The following F8 variants were observed in gnomAD, a reference collection of about 807,000 sequenced individuals.
F8 encodes the protein antihemophilic factor.
Under a neutral mutation model 140.6 loss-of-function variants are expected in F8, and 12 were observed. The ratio of observed to expected loss-of-function variants is 0.09; its 90% confidence interval spans 0.05 to 0.14. F8 has a LOEUF of 0.14. Among genes scored for constraint, F8 ranks in the 10% least tolerant of loss-of-function variants. The pLI is 1.00. For synonymous variants in F8, 585 were observed against 614.6 expected, an observed-to-expected ratio of 0.95 and a Z score of 0.71; for missense variants, 1,354 against 1,720.7, an observed-to-expected ratio of 0.79 and a Z score of 3.77.
At position 154,863,182 on chromosome X, in the gene F8, A is replaced by C; in HGVS notation, c.6475T>G (p.Phe2159Val). 1 of 1,210,584 alleles carries C rather than the reference A, an allele frequency of 8.3e-7. No individual in the cohort carries two copies. Among genetic ancestry groups the C allele is most frequent in the Non-Finnish European group, 1.1e-6 (1 of 894,140 alleles). Residue 2159 changes from phenylalanine (F) to valine (V), a missense_variant, in exon 23 of 26, where the codon TTT becomes GTT. This residue lies in a region of F8 where 316 missense variants were observed against 485.4 expected (regional missense o/e 0.65). Coordinates refer to ENST00000360256, the MANE Select transcript of F8 (RefSeq NM_000132.4). ...VDSSGIKHNIFNPPIIARYIR... is the reference protein window; with the variant it reads ...VDSSGIKHNIVNPPIIARYIR... Reference sequence around the variant, plus strand: ...TATCGAGCAATAATTGGAGGGTTAAAAATATTGTGTTTTATCCCAGATGAA... The same window carrying C: ...TATCGAGCAATAATTGGAGGGTTAACAATATTGTGTTTTATCCCAGATGAA...
intron 3 of F8, among the ~76,000 whole-genome samples, chrX:154,994,395 T>A (rs1557284932): frequency 8.9e-6 from 1 of 112,234 alleles, no homozygotes; most frequent in Non-Finnish European, 1.9e-5. Context: ...AATGCAATAT[T>A]CAAATTTTCT....
Position 154,887,200 on chromosome X carries a change from C to CT in F8, c.6429+8876dup. ...CCGCTGCGAGGTGTCCCGCGTGCTGCTGCTGCTCCTCCTGCAACCACCGCC... is the reference window on the plus strand; with the variant it reads ...CCGCTGCGAGGTGTCCCGCGTGCTGCTTGCTGCTCCTCCTGCAACCACCGCC... On this transcript the variant is annotated intron_variant, in intron 22 of 25. Transcript: ENST00000360256. The CT allele has an allele frequency of 6.8e-6, 3 of 440,676 alleles. No individual in the cohort carries two copies. The South Asian group carries it at 1.0e-4, about 15-fold the overall frequency. 36.3% of individuals were successfully genotyped at this position (440,676 alleles called of 1,213,427 possible). A position where few individuals can be genotyped will look rare whatever the true frequency, so the allele number is the denominator to read the frequency against.
chrX:154,986,097 GCTTA>G (rs1401803356), intron 5 of F8, among the ~76,000 whole-genome samples: 1 of 111,828 alleles, frequency 8.9e-6, no homozygotes, highest in Non-Finnish European at 1.9e-5. Flanking sequence ...AAAAGGAGAA[GCTTA>G]CTTAGTGTAA....
At chrX:154,999,057 T>C (rs1169798910) in intron 2 of F8, among the ~76,000 whole-genome samples, 1 of 110,966 alleles carries the variant, frequency 9.0e-6, no homozygotes, top group African/African-American at 3.3e-5. Flanking sequence ...CATAAGTTCC[T>C]AGCCTTTTTT....
intron 1 of F8, among the ~76,000 whole-genome samples, chrX:155,012,371 A>G (rs1338238729): frequency 8.9e-6 from 1 of 111,834 alleles, no homozygotes; most frequent in African/African-American, 3.3e-5. Flanking sequence ...GTGCAGTAGC[A>G]TGATCCATAG....
intron 25 of F8, among the ~76,000 whole-genome samples, chrX:154,845,684 T>C (rs1557271695): frequency 8.9e-6 from 1 of 111,868 alleles, no homozygotes; most frequent in African/African-American, 3.3e-5. Context: ...CTTCTCTCTT[T>C]TCTTCTTTAT....
chrX:155,004,230 T>C (rs1210414543), intron 1 of F8, among the ~76,000 whole-genome samples: 2 of 111,564 alleles, frequency 1.8e-5, no homozygotes, highest in Non-Finnish European at 3.8e-5. Flanking sequence ...AATTCTGAAC[T>C]CTGTGAAAGT....
intron 4 of F8, 54 bp downstream of exon 4, chrX:154,992,882 T>G: frequency 9.3e-6 from 10 of 1,076,789 alleles, no homozygotes; most frequent in Non-Finnish European, 1.3e-5. Context: ...ATAGATTCAG[T>G]TGTTTGTACT....
intron 7 of F8, among the ~76,000 whole-genome samples, chrX:154,968,397 A>T (rs1557282233): frequency 9.0e-6 from 1 of 111,516 alleles, no homozygotes; most frequent in Non-Finnish European, 1.9e-5. Context: ...TGAGCCAATA[A>T]ATTTCTGTCC....
intron 13 of F8, among the ~76,000 whole-genome samples, chrX:154,939,344 AC>A (rs1479300309): frequency 5.3e-5 from 6 of 112,551 alleles, no homozygotes; most frequent in African/African-American, 1.9e-4. Flanking sequence ...AACGGGCTTA[AC>A]AAACGGCACA....
chrX:154,873,751 T>C (rs1414478335), intron 22 of F8, among the ~76,000 whole-genome samples: 2 of 110,752 alleles, frequency 1.8e-5, no homozygotes, highest in African/African-American at 6.6e-5. Context: ...GAAAAGAGAG[T>C]CTCTTCAATA....
chrX:154,994,510 T>C (rs2073606429), intron 3 of F8, among the ~76,000 whole-genome samples: 1 of 112,638 alleles, frequency 8.9e-6, no homozygotes, highest in Non-Finnish European at 1.9e-5. Flanking sequence ...TCTTTTAGTA[T>C]GGAGTAGTCC....
chrX:155,002,409 A>G (rs1292924930), intron 1 of F8, among the ~76,000 whole-genome samples: 1 of 111,838 alleles, frequency 8.9e-6, no homozygotes, highest in Non-Finnish European at 1.9e-5. Flanking sequence ...TAGCATGTGA[A>G]TTGGTAAAGA....
At chrX:154,923,947 C>A (rs782014113) in intron 14 of F8, among the ~76,000 whole-genome samples, 2 of 110,918 alleles carry the variant, frequency 1.8e-5, no homozygotes, top group Admixed American at 9.6e-5. Context: ...CTCCAGCCTG[C>A]GTGACAGAGC....
At chrX:154,972,711 T>TC (rs2073464318) in intron 6 of F8, among the ~76,000 whole-genome samples, 1 of 64,043 alleles carries the variant, frequency 1.6e-5, no homozygotes, top group African/African-American at 1.1e-4. Context: ...GTCTTTCTTT[T>TC]TTTTTTTTTT....
intron 13 of F8, among the ~76,000 whole-genome samples, chrX:154,940,221 T>C (rs1429029243): frequency 9.0e-6 from 1 of 111,588 alleles, no homozygotes; most frequent in African/African-American, 3.3e-5. Context: ...TACTCCGAGC[T>C]AAAGGAAGAA....
At chrX:154,850,200 C>T (rs2072603893) in intron 25 of F8, among the ~76,000 whole-genome samples, 1 of 108,432 alleles carries the variant, frequency 9.2e-6, no homozygotes. Flanking sequence ...GCGATCTGGG[C>T]TCACTGCAAC....
At chrX:155,021,604 A>T (rs1217419996) in intron 1 of F8, among the ~76,000 whole-genome samples, 1 of 111,792 alleles carries the variant, frequency 8.9e-6, no homozygotes, top group Non-Finnish European at 1.9e-5. Context: ...AAAATTCTTG[A>T]CAAGACCAAT....
chrX:154,856,204 C>T (rs2072650123), intron 25 of F8, among the ~76,000 whole-genome samples: 1 of 112,578 alleles, frequency 8.9e-6, no homozygotes, highest in South Asian at 3.6e-4. Context: ...TGGGAGAGTT[C>T]AGAAGACACA....
Sources: allele counts gnomAD v4.1 joint callset (sites outside exome capture counted in the v4.1 genomes callset), GRCh38; gene constraint gnomAD v4.1.1; regional missense constraint gnomAD v4.1.1; transcripts MANE v1.5; gene names NCBI Gene and HGNC (gene_info 2026-07-23, HGNC 2026-07-21).